Variants in ZNF678 observed in about 807,000 individuals in gnomAD.
ZNF678 encodes the protein hypothetical protein MGC42493.
In ZNF678, 5 loss-of-function variants were observed where a neutral mutation model predicts 3.0. The ratio of observed to expected loss-of-function variants is 1.69; its 90% confidence interval spans 0.88 to 3.56. The LOEUF (loss-of-function observed/expected upper bound fraction) is 3.56, where lower values mean the gene tolerates loss of function less well. ZNF678 is among the 30% of genes most tolerant of loss of function. The pLI is 0.00. For missense variants in ZNF678, 593 were observed against 605.0 expected, an observed-to-expected ratio of 0.98 and a Z score of 0.21; for synonymous variants, 218 against 199.6, an observed-to-expected ratio of 1.09 and a Z score of -0.78.
chr1:227,626,524 T>G (rs1387707797), intron 1 of ZNF678, among the ~76,000 whole-genome samples: 1 of 152,118 alleles, frequency 6.6e-6, no homozygotes, highest in Non-Finnish European at 1.5e-5. Flanking sequence ...TTGTTGATAT[T>G]TGGCTAAGGA....
Position 227,655,911 on chromosome 1 carries a change from A to G in ZNF678, c.*83A>G. ...CATAATGACTGTTTAAGGATGTTTCACAAAATGTAAGCTTCAGAGTGCACA... is the reference window on the plus strand; with the variant it reads ...CATAATGACTGTTTAAGGATGTTTCGCAAAATGTAAGCTTCAGAGTGCACA... On this transcript the variant is annotated 3_prime_UTR_variant, in exon 4 of 4. Coordinates refer to ENST00000343776, the MANE Select transcript of ZNF678 (RefSeq NM_001367909.1). 7.8e-7 allele frequency: 1 copy of G among 1,288,624 alleles called. No individual in the cohort carries two copies. Among genetic ancestry groups the G allele is most frequent in the Non-Finnish European group, 1.1e-6 (1 of 937,216 alleles). 79.8% of individuals were successfully genotyped at this position (1,288,624 alleles called of 1,614,324 possible).
At chr1:227,676,492 ATTT>A (rs201392687) in intron 5 of ZNF678, among the ~76,000 whole-genome samples, 2 of 151,226 alleles carry the variant, frequency 1.3e-5, no homozygotes, top group Non-Finnish European at 3.0e-5. Context: ...TCCCCAAAAC[ATTT>A]TTTTTTATTT....
In ZNF678 at chr1:227,674,462, A is replaced by C. The variant is rs182653089; in HGVS notation, c.227-2717A>C. On this transcript the variant is annotated intron_variant, in intron 5 of 5. Transcript: ENST00000608949. Reference sequence around the variant, plus strand: ...AGCTGGAAAGCAAATAGTATAGGACAAAAGATTGAAACAGGTATATATATT... The same window carrying C: ...AGCTGGAAAGCAAATAGTATAGGACCAAAGATTGAAACAGGTATATATATT... 3.5e-4 allele frequency among the ~76,000 whole-genome samples: 53 copies of C among 152,334 alleles called. 1 individual carries two copies. The East Asian group carries it at 0.01, about 29-fold the overall frequency.
intron 1 of ZNF678, among the ~76,000 whole-genome samples, chr1:227,627,611 C>G (rs10916175): frequency 0.48 from 72,869 of 151,952 alleles, 18,619 homozygotes; most frequent in African/African-American, 0.66. Flanking sequence ...TTAGGAATTC[C>G]CTTTCTCTCT....
chr1:227,594,189 T>C (rs1238528503), intron 1 of ZNF678, among the ~76,000 whole-genome samples: 1 of 152,236 alleles, frequency 6.6e-6, no homozygotes, highest in African/African-American at 2.4e-5. Context: ...CCTATTTTTA[T>C]TAGTTTTTAA....
intron 5 of ZNF678, among the ~76,000 whole-genome samples, chr1:227,671,645 A>G (rs977099667): frequency 2.0e-5 from 3 of 152,142 alleles, no homozygotes; most frequent in South Asian, 2.1e-4. Context: ...TACCACATCT[A>G]TTGTTATACT....
In ZNF678 at chr1:227,599,165, C is replaced by A; in HGVS notation, c.-164+35441C>A. 2.4e-6 allele frequency: 3 copies of A among 1,254,818 alleles called. No individual in the cohort carries two copies. The South Asian group carries it at 3.7e-5, about 15-fold the overall frequency. 77.7% of individuals were successfully genotyped at this position (1,254,818 alleles called of 1,614,324 possible). A position where few individuals can be genotyped will look rare whatever the true frequency, so the allele number is the denominator to read the frequency against. On this transcript the variant is annotated intron_variant, in intron 1 of 3. Coordinates refer to ENST00000343776, the MANE Select transcript of ZNF678 (RefSeq NM_001367909.1). The stretch of plus-strand genomic sequence containing the variant: ...GAACATATTCCTCCAGTTCTAGAAT[C>A]ATTTTCTTGTTCAAATAACCTTTGT...
chr1:227,611,362 G>T (rs1658016501), intron 1 of ZNF678, among the ~76,000 whole-genome samples: 1 of 152,162 alleles, frequency 6.6e-6, no homozygotes, highest in Non-Finnish European at 1.5e-5. Flanking sequence ...ATCAATTTTG[G>T]GGGCTATATT....
rs1659285055 is a variant in ZNF678 at position 227,657,662 on chromosome 1, A to C, written c.*1834A>C. The C allele has an allele frequency of 6.6e-6, 1 of 152,008 alleles. No individual in the cohort carries two copies. Among genetic ancestry groups the C allele is most frequent in the Non-Finnish European group, 1.5e-5 (1 of 67,924 alleles). 9.4% of individuals were successfully genotyped at this position (152,008 alleles called of 1,614,324 possible). A position where few individuals can be genotyped will look rare whatever the true frequency, so the allele number is the denominator to read the frequency against. ...TTTAGTTTTGATTAACATGGAGTTA[A>C]TTTTATAAGTCTGTCACTCTAAACA... On this transcript the variant is annotated 3_prime_UTR_variant, in exon 4 of 4. Transcript: ENST00000343776.
intron 1 of ZNF678, among the ~76,000 whole-genome samples, chr1:227,615,666 G>A (rs1162915846): frequency 1.3e-5 from 2 of 152,110 alleles, no homozygotes; most frequent in African/African-American, 2.4e-5. Flanking sequence ...TCCCCAGATG[G>A]CCTGATGTCC....
intron 1 of ZNF678, among the ~76,000 whole-genome samples, chr1:227,616,071 A>T (rs904635578): frequency 3.3e-5 from 5 of 152,130 alleles, no homozygotes; most frequent in Admixed American, 3.3e-4. Context: ...TCTCATACTT[A>T]TCAGGGCACC....
intron 3 of ZNF678, among the ~76,000 whole-genome samples, chr1:227,651,849 C>T (rs59404931): frequency 0.011 from 1,641 of 152,214 alleles, 34 homozygotes; most frequent in African/African-American, 0.038. Context: ...GCTGGAATTA[C>T]AAATATGAGG....
chr1:227,663,198 T>C (rs1461878575), downstream of ZNF678, among the ~76,000 whole-genome samples: 2 of 152,190 alleles, frequency 1.3e-5, no homozygotes, highest in South Asian at 2.1e-4. Context: ...AGAAAAAATA[T>C]CTGTTATTAA....
intron 5 of ZNF678, among the ~76,000 whole-genome samples, chr1:227,673,598 G>A (rs1294933021): frequency 6.6e-6 from 1 of 152,162 alleles, no homozygotes; most frequent in East Asian, 1.9e-4. Context: ...CACTGTGCAA[G>A]CATTCTATGA....
chr1:227,597,845 A>C (rs1376109052), intron 1 of ZNF678, among the ~76,000 whole-genome samples: 4 of 152,226 alleles, frequency 2.6e-5, no homozygotes, highest in Non-Finnish European at 5.9e-5. Context: ...CTGACCTCTC[A>C]GTGAAGTGTG....
chr1:227,581,572 T>C (rs777516801), intron 1 of ZNF678, among the ~76,000 whole-genome samples: 1 of 152,220 alleles, frequency 6.6e-6, no homozygotes, highest in Admixed American at 6.5e-5. Context: ...TCAACATTCT[T>C]AGTGGCGCAT....
downstream of ZNF678, among the ~76,000 whole-genome samples, chr1:227,663,383 T>G (rs2102816523): frequency 6.6e-6 from 1 of 152,282 alleles, no homozygotes; most frequent in South Asian, 2.1e-4. Flanking sequence ...GATTATGAAA[T>G]AACATAAAGA....
chr1:227,620,976 G>C (rs1181103819), intron 1 of ZNF678, among the ~76,000 whole-genome samples: 2 of 152,232 alleles, frequency 1.3e-5, no homozygotes, highest in South Asian at 2.1e-4. Flanking sequence ...TTTCTTGCCA[G>C]GTGCCATGGG....
chr1:227,660,590 C>G lies in ZNF678; in HGVS notation c.*4762C>G, dbSNP rs1033080976. 3.9e-5 allele frequency: 6 copies of G among 152,026 alleles called. No individual in the cohort carries two copies. Among genetic ancestry groups the G allele is most frequent in the African/African-American group, 1.4e-4 (6 of 41,424 alleles). The allele number at this position is 152,026 out of a possible 1,614,324, so 9.4% of individuals were successfully genotyped here. ...TATATCTTGATTTTGTATCCTGCAA[C>G]TTTAGTGAATTTATTCTAAGTATTT... On this transcript the variant is annotated 3_prime_UTR_variant, in exon 4 of 4. Transcript: ENST00000343776.
Sources: gnomAD v4.1 joint callset for allele counts (sites outside exome capture counted in the v4.1 genomes callset) on GRCh38, gnomAD v4.1.1 for gene constraint, MANE v1.5 for transcripts, NCBI Gene and HGNC (gene_info 2026-07-23, HGNC 2026-07-21) for gene names.